USP43: variants seen among roughly 807,000 people sequenced by gnomAD.
USP43 encodes ubiquitin specific peptidase 43.
Under a neutral mutation model 90.7 loss-of-function variants are expected in USP43, and 33 were observed. That is an observed-to-expected ratio of 0.36 (90% CI 0.28 to 0.49). The LOEUF (loss-of-function observed/expected upper bound fraction) is 0.49, where lower values mean the gene tolerates loss of function less well. Ranked by LOEUF, USP43 falls within the 20% of genes least tolerant of loss-of-function variation. The pLI is 0.98. For missense variants in USP43, 1,274 were observed against 1,476.4 expected, an observed-to-expected ratio of 0.86 and a Z score of 2.25; for synonymous variants, 598 against 615.8, an observed-to-expected ratio of 0.97 and a Z score of 0.43.
rs563308389 is a variant in USP43, at chr17:9,671,399, C to T, written c.741-3492C>T. ...CAGATCTTGGAAAGGTGAGATCTTG[C>T]TTACGTATTGGCATAATTACTGTTG... On this transcript the variant is annotated intron_variant, in intron 3 of 14. Transcript: ENST00000285199. 4.6e-5 allele frequency among the ~76,000 whole-genome samples: 7 copies of T among 152,216 alleles called. No homozygotes were observed. The East Asian group carries it at 1.4e-3, about 29-fold the overall frequency.
At position 9,729,053 on chromosome 17, in the gene USP43, G is replaced by T; in HGVS notation, c.*63G>T. On this transcript the variant is annotated 3_prime_UTR_variant, in exon 15 of 15. Coordinates refer to ENST00000285199, the MANE Select transcript of USP43 (RefSeq NM_153210.5). Reference sequence around the variant, plus strand: ...GGACTTTGCCAAGCAACTGTAGGCAGCTCATGTTGAGAATGGGTTTCCAGG... The same window carrying T: ...GGACTTTGCCAAGCAACTGTAGGCATCTCATGTTGAGAATGGGTTTCCAGG... 1 of 1,412,164 alleles carries T rather than the reference G, an allele frequency of 7.1e-7. No individual in the cohort carries two copies. The highest frequency in any genetic ancestry group is 9.3e-7 in the Non-Finnish European group (1 of 1,074,264). 87.5% of individuals were successfully genotyped at this position (1,412,164 alleles called of 1,614,324 possible). A position where few individuals can be genotyped will look rare whatever the true frequency, so the allele number is the denominator to read the frequency against.
intron 8 of USP43, 130 bp downstream of exon 8, chr17:9,687,039 T>C (rs7220671): frequency 0.29 from 190,942 of 661,800 alleles, 31,831 homozygotes; most frequent in East Asian, 0.59. Flanking sequence ...TTAAAGAGTG[T>C]TCATACTGTT....
intron 2 of USP43, among the ~76,000 whole-genome samples, chr17:9,656,826 A>G (rs1912286392): frequency 6.6e-6 from 1 of 152,216 alleles, no homozygotes; most frequent in Non-Finnish European, 1.5e-5. Flanking sequence ...TATTCCGTAC[A>G]TTAGTGTGGT....
At position 9,674,974 on chromosome 17, in the gene USP43, G is replaced by C. The variant is rs762959156; in HGVS notation, c.824G>C (p.Arg275Pro). The C allele has an allele frequency of 6.2e-7, 1 of 1,613,880 alleles. No individual in the cohort carries two copies. The highest frequency in any genetic ancestry group is 1.1e-5 in the South Asian group (1 of 91,068). The change falls in exon 4 of 15, where the codon CGC (arginine) becomes CCC (proline). Residue 275 changes from arginine (R) to proline (P), a missense_variant. Physicochemically the swap from Arg to Pro is moderately radical, Grantham distance 103. Coordinates refer to ENST00000285199, the MANE Select transcript of USP43 (RefSeq NM_153210.5). This position sits in a 1 kb window ranked among gnomAD's most constrained non-coding sequence, Gnocchi z 4.4. ...FLCVSLPIPL[R>P]QTRFLSVTLV... ...TGTGTGTCCCTACCTATCCCCTTGC[G>C]CCAGACGAGGTACGTGAGTGTCGCG... is the stretch of plus-strand genomic sequence containing the variant.
At chr17:9,698,971 AT>A (rs1915418821) in intron 9 of USP43, among the ~76,000 whole-genome samples, 1 of 152,186 alleles carries the variant, frequency 6.6e-6, no homozygotes, top group Admixed American at 6.5e-5. Context: ...GAAATGGAGA[AT>A]TTGGGGGACC....
chr17:9,720,694 G>C (rs1288954432), intron 14 of USP43, among the ~76,000 whole-genome samples: 1 of 152,044 alleles, frequency 6.6e-6, no homozygotes, highest in Non-Finnish European at 1.5e-5. Context: ...CTCTGTGTTG[G>C]TCAGGCTGGT....
Position 9,728,522 on chromosome 17 carries a change from C to G in USP43, c.2904C>G (p.Pro968=), listed in dbSNP as rs762469807. The G allele has an allele frequency of 3.7e-6, 6 of 1,613,842 alleles. No homozygotes were observed. In the Admixed American group the frequency reaches 1.0e-4, roughly 27 times the overall value. ...SFQMGSKSSP[P]SPYMGFSGNS... The stretch of plus-strand genomic sequence containing the variant: ...AGATGGGAAGCAAAAGCAGCCCACC[C>G]TCCCCCTATATGGGATTCTCTGGAA... Residue 968 remains proline (P), a synonymous_variant, in exon 15 of 15, where the codon CCC becomes CCG. Coordinates refer to ENST00000285199, the MANE Select transcript of USP43 (RefSeq NM_153210.5). The surrounding 1 kb of genome is among the most constrained non-coding windows in gnomAD (Gnocchi z 6.2).
Position 9,666,578 on chromosome 17 carries a change from C to T in USP43, c.637-70C>T, listed in dbSNP as rs187901422. On this transcript the variant is annotated intron_variant, in intron 2 of 14. Coordinates refer to ENST00000285199, the MANE Select transcript of USP43 (RefSeq NM_153210.5). ...GCGGGCCCAGGAGGAAGCATGGGCT[C>T]GGTGGTCTGGAAGCAGTTGAGTGAT... 1.1e-3 allele frequency: 1,434 copies of T among 1,295,856 alleles called. 7 individuals are homozygous for T. The highest frequency in any genetic ancestry group is 1.6e-3 in the South Asian group (124 of 78,812). The allele number at this position is 1,295,856 out of a possible 1,614,324, so 80.3% of individuals were successfully genotyped here.
At chr17:9,649,176 G>A (rs1256150889) in intron 1 of USP43, among the ~76,000 whole-genome samples, 2 of 151,926 alleles carry the variant, frequency 1.3e-5, no homozygotes, top group African/African-American at 2.4e-5. Context: ...GCGTGGTGGC[G>A]TGTGCCTGTA....
intron 14 of USP43, among the ~76,000 whole-genome samples, chr17:9,717,306 T>C (rs73259652): frequency 0.011 from 1,730 of 152,178 alleles, 43 homozygotes; most frequent in African/African-American, 0.04. Context: ...CCTTGGTGTC[T>C]GCACGTCTGC....
chr17:9,669,320 G>A (rs116619523), intron 3 of USP43, among the ~76,000 whole-genome samples: 52 of 152,312 alleles, frequency 3.4e-4, no homozygotes, highest in Admixed American at 1.4e-3. Flanking sequence ...CCAGCAGGTC[G>A]AATTCATCTG....
At chr17:9,716,997 A>G (rs1358929230) in intron 14 of USP43, among the ~76,000 whole-genome samples, 1 of 151,938 alleles carries the variant, frequency 6.6e-6, no homozygotes, top group Non-Finnish European at 1.5e-5. Context: ...TTAGCTGGAC[A>G]TGGTGGCGGG....
intron 7 of USP43, among the ~76,000 whole-genome samples, chr17:9,684,192 A>C (rs2151978161): frequency 6.6e-6 from 1 of 152,238 alleles, no homozygotes; most frequent in South Asian, 2.1e-4. Context: ...ACATGGGAGA[A>C]TATTTATGTC....
At chr17:9,663,842 C>CTTGAACT (rs1912816719) in intron 2 of USP43, among the ~76,000 whole-genome samples, 1 of 152,110 alleles carries the variant, frequency 6.6e-6, no homozygotes. Context: ...CCAGGTTGGT[C>CTTGAACT]TTGAACTTCT....
chr17:9,697,214 C>T (rs1166583505), intron 9 of USP43, among the ~76,000 whole-genome samples: 1 of 151,820 alleles, frequency 6.6e-6, no homozygotes, highest in Non-Finnish European at 1.5e-5. Context: ...GAGACTCTGT[C>T]TCAAAAATAA....
At chr17:9,711,689 CG>C (rs1872484909) in intron 13 of USP43, among the ~76,000 whole-genome samples, 1 of 152,172 alleles carries the variant, frequency 6.6e-6, no homozygotes. Flanking sequence ...CCTCGGCCTC[CG>C]TAAGTGCTGG....
chr17:9,700,076 A>T (rs1915484083), intron 9 of USP43, 96 bp from the exon 10 acceptor site: 1 of 1,190,108 alleles, frequency 8.4e-7, no homozygotes, highest in Non-Finnish European at 1.2e-6. Flanking sequence ...TGTTTGGAAC[A>T]TCAGTCCTTG....
At chr17:9,659,382 G>A (rs1372492278) in intron 2 of USP43, among the ~76,000 whole-genome samples, 1 of 152,084 alleles carries the variant, frequency 6.6e-6, no homozygotes, top group African/African-American at 2.4e-5. Context: ...TGGAAATTTA[G>A]GTTAAGTTGC....
intron 6 of USP43, among the ~76,000 whole-genome samples, chr17:9,681,213 CATTATATAGAATATAT>C (rs1914199905): frequency 6.1e-5 from 3 of 48,838 alleles, no homozygotes; most frequent in African/African-American, 4.9e-4. Context: ...ATAATATATA[CATTATATAGAATATAT>C]TATATAATAT....
Sources: gnomAD v4.1 joint callset for allele counts (sites outside exome capture counted in the v4.1 genomes callset) on GRCh38, gnomAD v4.1.1 for gene constraint, Gnocchi (gnomAD v3.1) non-coding constraint, MANE v1.5 for transcripts, NCBI Gene and HGNC (gene_info 2026-07-23, HGNC 2026-07-21) for gene names.